SLIT2: variants seen among roughly 807,000 people sequenced by gnomAD.
The protein encoded by SLIT2 is slit guidance ligand 2.
SLIT2 carries 41 observed loss-of-function variants against 185.7 expected under a neutral mutation model. The ratio of observed to expected loss-of-function variants is 0.22; its 90% CI spans 0.17 to 0.29. SLIT2 has a LOEUF of 0.29. SLIT2 is among the 10% of genes least tolerant of loss of function. The pLI, the probability that SLIT2 is intolerant of heterozygous loss-of-function variation, is 1.00. For synonymous variants in SLIT2, 693 were observed against 680.2 expected, an observed-to-expected ratio of 1.02 and a Z score of -0.29; for missense variants, 1,571 against 1,909.0, an observed-to-expected ratio of 0.82 and a Z score of 3.30.
At chr4:20,523,727 A>T (rs377745727) in intron 12 of SLIT2, 33 bp from the exon 13 acceptor site, 1 of 1,601,530 alleles carries the variant, frequency 6.2e-7, no homozygotes, top group Non-Finnish European at 8.5e-7. Flanking sequence ...ATAAGATGCT[A>T]CACTTTAATT....
rs538090604 is a variant in SLIT2, at chr4:20,583,310, T to A, written c.3089-6334T>A. Among the ~76,000 whole-genome samples the A allele has an allele frequency of 5.3e-5, 8 of 152,328 alleles. 1 individual carries two copies. The South Asian group carries it at 1.0e-3, about 20-fold the overall frequency. ...TCAAAATATATGGTGATGTTAAAAA[T>A]CTGATTTGCTGTTTTAATTATTTGA... On this transcript the variant is annotated intron_variant, in intron 29 of 36. Transcript: ENST00000504154.
chr4:20,614,638 G>A (rs778430857), intron 34 of SLIT2, among the ~76,000 whole-genome samples: 6 of 151,944 alleles, frequency 3.9e-5, no homozygotes, highest in Admixed American at 2.6e-4. Context: ...TAAGCCAGGC[G>A]TGGTGGTGCA....
At chr4:20,365,576 A>T (rs1723055277) in intron 4 of SLIT2, among the ~76,000 whole-genome samples, 1 of 151,972 alleles carries the variant, frequency 6.6e-6, no homozygotes, top group Non-Finnish European at 1.5e-5. Flanking sequence ...GGAAATTACA[A>T]GCTTTCTCAG....
chr4:20,268,473 T>A (rs1429583483), intron 3 of SLIT2, among the ~76,000 whole-genome samples: 1 of 151,890 alleles, frequency 6.6e-6, no homozygotes, highest in Non-Finnish European at 1.5e-5. Context: ...ACTGTGGTAT[T>A]TCTGCTGGAT....
chr4:20,359,943 G>A (rs983190764), intron 4 of SLIT2, among the ~76,000 whole-genome samples: 2 of 152,104 alleles, frequency 1.3e-5, no homozygotes, highest in African/African-American at 2.4e-5. Context: ...GCATTTTAGA[G>A]AAGATGTGAA....
At chr4:20,364,214 G>C in intron 4 of SLIT2, 4 of 946,408 alleles carry the variant, frequency 4.2e-6, no homozygotes, top group Non-Finnish European at 5.0e-6. Context: ...GCCCTGTGGA[G>C]TGTTTGGAAA....
Position 20,610,123 on chromosome 4 carries a change from C to T in SLIT2, c.3803C>T (p.Ser1268Leu). The T allele has an allele frequency of 6.2e-7, 1 of 1,613,694 alleles. No individual in the cohort carries two copies. The highest frequency in any genetic ancestry group is 8.5e-7 in the Non-Finnish European group (1 of 1,179,738). The change falls in exon 34 of 37, where the codon TCA becomes TTA. Residue 1268 changes from serine to leucine, a missense_variant. Around this residue, in one of 3 missense-constraint regions of SLIT2, gnomAD observed 146 missense variants for 247.4 expected, o/e 0.59. Coordinates refer to ENST00000504154, the MANE Select transcript of SLIT2 (RefSeq NM_004787.4). Reference protein sequence around the residue: ...GGNPKIITNLSKQSTLNFDSP... With the variant: ...GGNPKIITNLLKQSTLNFDSP... ...AACCCCAAAATCATCACTAACTTGT[C>T]AAAGCAGTCCACTCTGAATTTTGAC...
At position 20,510,928 on chromosome 4, in the gene SLIT2, TC is replaced by T. The variant is rs1199753185; in HGVS notation, c.987-137del. On this transcript the variant is annotated intron_variant, in intron 10 of 36. Coordinates refer to ENST00000504154, the MANE Select transcript of SLIT2 (RefSeq NM_004787.4). ...ATTTCTTTTTTAAATTTCTGATCCT[TC>T]AGATGTTCAATGTTGCACGTTTTGG... The T allele has an allele frequency of 2.9e-5, 16 of 558,580 alleles. No homozygotes were observed. The East Asian group carries it at 4.1e-4, about 14-fold the overall frequency. 34.6% of individuals were successfully genotyped at this position (558,580 alleles called of 1,614,324 possible). A position where few individuals can be genotyped will look rare whatever the true frequency, so the allele number is the denominator to read the frequency against.
chr4:20,532,718 T>C (rs191724228), intron 17 of SLIT2, among the ~76,000 whole-genome samples: 3 of 152,200 alleles, frequency 2.0e-5, no homozygotes, highest in Non-Finnish European at 4.4e-5. Context: ...CATAGTCACA[T>C]AGACTGTAAG....
intron 4 of SLIT2, among the ~76,000 whole-genome samples, chr4:20,285,673 A>G (rs934396697): frequency 1.3e-5 from 2 of 152,084 alleles, no homozygotes; most frequent in African/African-American, 4.8e-5. Flanking sequence ...TAAACCTCCC[A>G]AGTAATTGGA....
intron 4 of SLIT2, among the ~76,000 whole-genome samples, chr4:20,456,500 A>G (rs748581375): frequency 3.6e-4 from 54 of 152,034 alleles, no homozygotes; most frequent in Non-Finnish European, 6.2e-4. Context: ...GTTAAATCCC[A>G]TTATTTTATT....
intron 4 of SLIT2, among the ~76,000 whole-genome samples, chr4:20,376,339 T>C (rs1724018057): frequency 6.6e-6 from 1 of 152,002 alleles, no homozygotes; most frequent in African/African-American, 2.4e-5. Context: ...AGGGACCCGT[T>C]GAAAAGTGTC....
intron 4 of SLIT2, among the ~76,000 whole-genome samples, chr4:20,298,013 G>A (rs1716652693): frequency 6.6e-6 from 1 of 151,546 alleles, no homozygotes; most frequent in South Asian, 2.1e-4. Context: ...CAGTACCAAT[G>A]TTTGCTTGAG....
intron 9 of SLIT2, among the ~76,000 whole-genome samples, chr4:20,492,504 T>G (rs1434441909): frequency 2.0e-5 from 3 of 152,220 alleles, no homozygotes; most frequent in Non-Finnish European, 2.9e-5. Flanking sequence ...CTGAATGCAT[T>G]TCTATGTCCT....
chr4:20,285,649 G>A (rs1228761011), intron 4 of SLIT2, among the ~76,000 whole-genome samples: 1 of 152,158 alleles, frequency 6.6e-6, no homozygotes, highest in African/African-American at 2.4e-5. Flanking sequence ...CCTGATTCAA[G>A]TGATCCTCCC....
At chr4:20,466,403 T>G (rs1006026893) in intron 4 of SLIT2, among the ~76,000 whole-genome samples, 1 of 152,162 alleles carries the variant, frequency 6.6e-6, no homozygotes, top group Admixed American at 6.5e-5. Flanking sequence ...CTGCCTTAAC[T>G]CCTACATAAG....
intron 30 of SLIT2, 150 bp from the exon 31 acceptor site, chr4:20,595,547 C>A: frequency 6.7e-6 from 6 of 901,620 alleles, no homozygotes; most frequent in Non-Finnish European, 8.6e-6. Context: ...CAGAACAGTT[C>A]GATTTTCTAG....
In SLIT2 at chr4:20,263,063, A is replaced by T. The variant is rs1187663319; in HGVS notation, c.323+5124A>T. On this transcript the variant is annotated intron_variant, in intron 3 of 36. Coordinates refer to ENST00000504154, the MANE Select transcript of SLIT2 (RefSeq NM_004787.4). ...TGAGTAGTTTAGTTTGCACTGTTAC[A>T]ATGTATTTGTGGAAGCAGCCAGTGT... Among the ~76,000 whole-genome samples the T allele has an allele frequency of 2.6e-5, 4 of 151,720 alleles. No homozygotes were observed. The East Asian group carries it at 7.7e-4, about 29-fold the overall frequency.
intron 4 of SLIT2, among the ~76,000 whole-genome samples, chr4:20,435,042 G>A (rs886275679): frequency 6.6e-6 from 1 of 152,040 alleles, no homozygotes; most frequent in Non-Finnish European, 1.5e-5. Context: ...TTCTATTAGT[G>A]GACATTTAAC....
Sources: allele counts gnomAD v4.1 joint callset (sites outside exome capture counted in the v4.1 genomes callset), GRCh38; gene constraint gnomAD v4.1.1; regional missense constraint gnomAD v4.1.1; transcripts MANE v1.5; gene names NCBI Gene and HGNC (gene_info 2026-07-23, HGNC 2026-07-21).